The following TSPEAR variants were observed in gnomAD, a reference collection of about 807,000 sequenced individuals.
The protein encoded by TSPEAR is thrombospondin type laminin G domain and EAR repeats, also known as thrombospondin-type laminin G domain and EAR repeat-containing protein.
A neutral mutation model predicts 71.6 loss-of-function variants in TSPEAR; 69 were observed. That is an observed-to-expected ratio of 0.96 (90% CI 0.79 to 1.18). The LOEUF (loss-of-function observed/expected upper bound fraction) is 1.18, where lower values mean the gene tolerates loss of function less well. Among genes scored for constraint, TSPEAR ranks in the 50% most tolerant of loss-of-function variants. The pLI, the probability that TSPEAR is intolerant of heterozygous loss-of-function variation, is 0.00. For missense variants in TSPEAR, 971 were observed against 894.9 expected, an observed-to-expected ratio of 1.09 and a Z score of -1.09; for synonymous variants, 402 against 387.2, an observed-to-expected ratio of 1.04 and a Z score of -0.45.
intron 1 of TSPEAR, among the ~76,000 whole-genome samples, chr21:44,653,984 C>G: frequency 6.6e-6 from 1 of 152,200 alleles, no homozygotes; most frequent in East Asian, 1.9e-4. Context: ...AGGCATCACA[C>G]AGACTCAGGT....
intron 1 of TSPEAR, among the ~76,000 whole-genome samples, chr21:44,670,144 G>A (rs1985986713): frequency 6.6e-6 from 1 of 152,168 alleles, no homozygotes; most frequent in Non-Finnish European, 1.5e-5. Flanking sequence ...TTTCTAGAAA[G>A]TAACAGAATA....
At chr21:44,592,554 C>T (rs1250287475) in intron 1 of TSPEAR, 2 of 1,546,148 alleles carry the variant, frequency 1.3e-6, no homozygotes, top group Non-Finnish European at 1.7e-6. Flanking sequence ...GCTTTTATTC[C>T]ACCTGGCCTT....
In TSPEAR at chr21:44,528,598, A is replaced by G; in HGVS notation, c.791-15T>C. The G allele has an allele frequency of 6.2e-7, 1 of 1,612,686 alleles. No individual in the cohort carries two copies. Among genetic ancestry groups the G allele is most frequent in the South Asian group, 1.1e-5 (1 of 90,936 alleles). ...AATGTTGGTTTCTGAGGGGAAGACC[A>G]GGAAGATGAGTTTCCAGCAAGCCAG... is the stretch of plus-strand genomic sequence containing the variant. On this transcript the variant is annotated splice_polypyrimidine_tract_variant and intron_variant, in intron 5 of 11. Coordinates refer to ENST00000323084, the MANE Select transcript of TSPEAR (RefSeq NM_144991.3).
chr21:44,540,720 A>C (rs1276033984), intron 2 of TSPEAR, among the ~76,000 whole-genome samples: 1 of 152,186 alleles, frequency 6.6e-6, no homozygotes, highest in Admixed American at 6.5e-5. Flanking sequence ...TCCTTCCCCC[A>C]TCCCCATCAC....
At chr21:44,516,009 A>C (rs1480393872) in intron 9 of TSPEAR, 2 of 152,180 alleles carry the variant, frequency 1.3e-5, no homozygotes, top group African/African-American at 4.8e-5. Context: ...ACACAGGGAC[A>C]CCTGTGGACG....
chr21:44,636,367 T>G (rs1555936681), intron 1 of TSPEAR, among the ~76,000 whole-genome samples: 2 of 152,208 alleles, frequency 1.3e-5, no homozygotes, highest in Non-Finnish European at 2.9e-5. Context: ...TCCCATTGTA[T>G]TTCCACACTG....
intron 9 of TSPEAR, among the ~76,000 whole-genome samples, chr21:44,515,314 G>A (rs587703967): frequency 9.8e-4 from 149 of 152,360 alleles, no homozygotes; most frequent in Non-Finnish European, 1.7e-3. Context: ...CCATGTGTGC[G>A]TGGTCCCAGC....
At chr21:44,569,277 G>A (rs1310385095) in intron 1 of TSPEAR, among the ~76,000 whole-genome samples, 1 of 152,154 alleles carries the variant, frequency 6.6e-6, no homozygotes, top group Non-Finnish European at 1.5e-5. Context: ...GGGTGTGATG[G>A]GCACTTCTTT....
Position 44,638,104 on chromosome 21 carries a change from C to T in TSPEAR, c.83-70099G>A, listed in dbSNP as rs782180238. ...GCCGCACGGCCTCCTGTGTTTCCCT[C>T]CTCTGCCGCCCCGTGTGCTCCCGCC... On this transcript the variant is annotated intron_variant, in intron 1 of 11. Transcript: ENST00000323084. 3.7e-6 allele frequency: 6 copies of T among 1,613,564 alleles called. No homozygotes were observed. The South Asian group carries it at 5.5e-5, about 15-fold the overall frequency.
chr21:44,565,043 C>T (rs2053684814), intron 2 of TSPEAR, among the ~76,000 whole-genome samples: 1 of 151,762 alleles, frequency 6.6e-6, no homozygotes, highest in African/African-American at 2.4e-5. Context: ...AACCAACAAA[C>T]AAGTCAAAAA....
At chr21:44,517,608 C>T in intron 9 of TSPEAR, 2 of 375,144 alleles carry the variant, frequency 5.3e-6, no homozygotes, top group South Asian at 3.9e-5. Flanking sequence ...CCCCTTCCTG[C>T]TGCTTCCCAC....
At chr21:44,544,982 T>C (rs1485654306) in intron 2 of TSPEAR, among the ~76,000 whole-genome samples, 5 of 151,922 alleles carry the variant, frequency 3.3e-5, no homozygotes, top group Non-Finnish European at 5.9e-5. Flanking sequence ...CAGTTCTGGT[T>C]CTACAATAAG....
At chr21:44,513,416 G>A (rs1737837025) in intron 9 of TSPEAR, among the ~76,000 whole-genome samples, 1 of 152,162 alleles carries the variant, frequency 6.6e-6, no homozygotes, top group East Asian at 1.9e-4. Flanking sequence ...ACTCATAGAG[G>A]AGAGAGAAAG....
Position 44,499,789 on chromosome 21 carries a change from T to C in TSPEAR, c.2004A>G (p.Thr668=). The C allele has an allele frequency of 6.4e-7, 1 of 1,566,954 alleles. No individual in the cohort carries two copies. The part of the protein sequence containing the change: ...EPLSRVLRLR[T]R ...CTGCCGGGCAGCCGCGGCCTCAGCG[T>C]GTCCTCAGCCGCAGGACCCTGGAGA... is the stretch of plus-strand genomic sequence containing the variant. Residue 668 remains threonine, a synonymous_variant, in exon 12 of 12, where the codon ACA becomes ACG. Coordinates refer to ENST00000323084, the MANE Select transcript of TSPEAR (RefSeq NM_144991.3).
chr21:44,534,179 C>T (rs1456446247), intron 2 of TSPEAR, among the ~76,000 whole-genome samples: 2 of 39,666 alleles, frequency 5.0e-5, no homozygotes, highest in Non-Finnish European at 8.9e-5. Context: ...TGTGAGGGGG[C>T]GGGGCTGGTG....
Position 44,499,684 on chromosome 21 carries a change from C to G in TSPEAR, c.*99G>C. ...CTGCCTGATGCCCAGGCCCGGGATG[C>G]CCTAGGCTGGGCCCACCTGGACGTC... On this transcript the variant is annotated 3_prime_UTR_variant, in exon 12 of 12. Coordinates refer to ENST00000323084, the MANE Select transcript of TSPEAR (RefSeq NM_144991.3). 7.5e-7 allele frequency: 1 copy of G among 1,327,360 alleles called. No homozygotes were observed. Among genetic ancestry groups the G allele is most frequent in the Admixed American group, 2.8e-5 (1 of 36,138 alleles). 82.2% of individuals were successfully genotyped at this position (1,327,360 alleles called of 1,614,324 possible). A position where few individuals can be genotyped will look rare whatever the true frequency, so the allele number is the denominator to read the frequency against.
chr21:44,522,297 C>T lies in TSPEAR; in HGVS notation c.1337-185G>A, dbSNP rs1036995329. ...CGCCCTCAGCCCCTTGCTGACTGCA[C>T]CTCTGGGCCATCACAGGTGCTATTC... On this transcript the variant is annotated intron_variant, in intron 8 of 11. Coordinates refer to ENST00000323084, the MANE Select transcript of TSPEAR (RefSeq NM_144991.3). Among the ~76,000 whole-genome samples the T allele has an allele frequency of 2.0e-5, 3 of 152,226 alleles. No individual in the cohort carries two copies. The East Asian group carries it at 5.8e-4, about 29-fold the overall frequency.
rs144613025 is a variant in TSPEAR, at chr21:44,558,683, G to A, written c.303+9102C>T. 1,475 of 1,612,298 alleles carry A rather than the reference G, an allele frequency of 9.1e-4. 6 individuals are homozygous for A. The highest frequency in any genetic ancestry group is 6.1e-3 in the East Asian group (274 of 44,878). On this transcript the variant is annotated intron_variant, in intron 2 of 11. Transcript: ENST00000323084. The stretch of plus-strand genomic sequence containing the variant: ...CCACCTGCCAGGAGTCAGAGTAAGC[G>A]CTGGAGCAGACGGACATGGTAGACG...
At chr21:44,528,704 G>T (rs2145976593) in intron 5 of TSPEAR, 121 bp from the exon 6 acceptor site, 1 of 1,282,076 alleles carries the variant, frequency 7.8e-7, no homozygotes. Flanking sequence ...GGCCTGGAAG[G>T]GCCCCTGCAG....
Sources: allele counts gnomAD v4.1 joint callset (sites outside exome capture counted in the v4.1 genomes callset), GRCh38; gene constraint gnomAD v4.1.1; transcripts MANE v1.5; gene names NCBI Gene and HGNC (gene_info 2026-07-23, HGNC 2026-07-21).